Variants in LAMA4 observed in about 807,000 individuals in gnomAD.
LAMA4 encodes laminin subunit alpha-4.
Under a neutral mutation model 207.1 loss-of-function variants are expected in LAMA4, and 127 were observed. That is an observed-to-expected ratio of 0.61 (90% CI 0.53 to 0.71). The LOEUF (loss-of-function observed/expected upper bound fraction) is 0.71, where lower values mean the gene tolerates loss of function less well. Ranked by LOEUF, LAMA4 falls within the 30% of genes least tolerant of loss-of-function variation. The pLI is 0.00. For synonymous variants in LAMA4, 761 were observed against 816.0 expected (o/e 0.93, Z 1.15); for missense variants, 2,093 against 2,246.5 (o/e 0.93, Z 1.38).
intron 14 of LAMA4, among the ~76,000 whole-genome samples, chr6:112,156,557 G>A (rs547926310): frequency 2.7e-4 from 41 of 152,114 alleles, no homozygotes; most frequent in Non-Finnish European, 4.7e-4. Flanking sequence ...CTCCACTTCC[G>A]CAGTTCGTCT....
chr6:112,114,859 T>C lies in LAMA4; in HGVS notation c.5113-103A>G, dbSNP rs1777918802. On this transcript the variant is annotated intron_variant, in intron 36 of 38. Transcript: ENST00000230538. Reference sequence around the variant, plus strand: ...CAGTGAAGCAATACTTCAACAAATATTCACACATGATTAGCTTTGCAATTT... The same window carrying C: ...CAGTGAAGCAATACTTCAACAAATACTCACACATGATTAGCTTTGCAATTT... 4.9e-5 allele frequency: 41 copies of C among 839,230 alleles called. No homozygotes were observed. In the South Asian group the frequency reaches 5.6e-4, roughly 11 times the overall value. 52.0% of individuals were successfully genotyped at this position (839,230 alleles called of 1,614,324 possible).
At position 112,231,405 on chromosome 6, in the gene LAMA4, C is replaced by G. The variant is rs1554364403; in HGVS notation, c.196-14936G>C. On this transcript the variant is annotated intron_variant, in intron 2 of 38. Coordinates refer to ENST00000230538, the MANE Select transcript of LAMA4 (RefSeq NM_001105206.3). ...CTCAGAGACAGCCCATTAGGCCTCT[C>G]TTATTACTTGGTTTGACATATGGCA... Among the ~76,000 whole-genome samples the G allele has an allele frequency of 3.3e-5, 5 of 152,166 alleles. 1 individual carries two copies.
Position 112,172,788 on chromosome 6 carries a change from C to T in LAMA4, c.1374G>A (p.Glu458=), listed in dbSNP as rs397516717. The T allele has an allele frequency of 1.2e-6, 2 of 1,613,798 alleles. No homozygotes were observed. Among genetic ancestry groups the T allele is most frequent in the Non-Finnish European group, 1.7e-6 (2 of 1,179,774 alleles). Residue 458 remains glutamate, a synonymous_variant, in exon 12 of 39, where the codon GAG becomes GAA. Transcript: ENST00000230538. ...TCTCATTGTGCAGCCGCTGCCAGCT[C>T]TCAGCCTGGCTCAGTACTGGGAAGA... ...DEAYELLSQA[E]SWQRLHNETR... is the part of the protein sequence containing the mutation.
At chr6:112,130,258 C>G (rs1296230297) in intron 29 of LAMA4, 1 of 557,718 alleles carries the variant, frequency 1.8e-6, no homozygotes, top group Non-Finnish European at 3.2e-6. Context: ...AATTTAAACC[C>G]GTAAGGCAAG....
chr6:112,212,778 G>A (rs1554357191), intron 3 of LAMA4, among the ~76,000 whole-genome samples: 1 of 152,176 alleles, frequency 6.6e-6, no homozygotes, highest in Non-Finnish European at 1.5e-5. Context: ...AAGAAAAACA[G>A]GAACAAGAAG....
intron 31 of LAMA4, among the ~76,000 whole-genome samples, chr6:112,123,561 C>G (rs1778501667): frequency 6.6e-6 from 1 of 152,104 alleles, no homozygotes; most frequent in Non-Finnish European, 1.5e-5. Flanking sequence ...CAAAATCCCC[C>G]CCACAAAAAA....
chr6:112,178,311 C>T, intron 9 of LAMA4, 79 bp from the exon 10 acceptor site: 3 of 968,048 alleles, frequency 3.1e-6, no homozygotes, highest in Non-Finnish European at 4.9e-6. Flanking sequence ...GGTGGGTGGG[C>T]ATAATGTATT....
At chr6:112,150,698 G>A in intron 16 of LAMA4, 71 bp from the exon 17 acceptor site, 2 of 1,050,576 alleles carry the variant, frequency 1.9e-6, no homozygotes, top group South Asian at 2.5e-5. Flanking sequence ...TTTCAACAAG[G>A]AAACTTCTCA....
chr6:112,163,164 G>A (rs547884149), intron 13 of LAMA4, among the ~76,000 whole-genome samples: 4 of 87,748 alleles, frequency 4.6e-5, no homozygotes, highest in East Asian at 3.2e-4. Flanking sequence ...CTTTTTTGTA[G>A]AGAGGGGGTC....
At chr6:112,253,612 G>A (rs554006795) in intron 2 of LAMA4, 3 of 843,810 alleles carry the variant, frequency 3.6e-6, no homozygotes, top group Non-Finnish European at 5.9e-6. Flanking sequence ...GTTAAGTGCC[G>A]TGGCTTGACA....
intron 16 of LAMA4, among the ~76,000 whole-genome samples, chr6:112,154,080 A>G (rs1327406703): frequency 1.3e-5 from 2 of 152,214 alleles, no homozygotes; most frequent in Non-Finnish European, 2.9e-5. Context: ...ATGAATTTCC[A>G]ACCTCATTAG....
chr6:112,225,549 C>T (rs1293361435), intron 2 of LAMA4, among the ~76,000 whole-genome samples: 1 of 152,094 alleles, frequency 6.6e-6, no homozygotes, highest in Non-Finnish European at 1.5e-5. Context: ...TCGTTTATTT[C>T]GAATCTGAGG....
chr6:112,205,348 C>G (rs1203807662), intron 4 of LAMA4, among the ~76,000 whole-genome samples: 2 of 151,716 alleles, frequency 1.3e-5, no homozygotes, highest in African/African-American at 4.9e-5. Flanking sequence ...ATCCTTACTT[C>G]CTAGTTTGAT....
At chr6:112,247,197 C>G (rs1787014677) in intron 2 of LAMA4, among the ~76,000 whole-genome samples, 1 of 152,154 alleles carries the variant, frequency 6.6e-6, no homozygotes, top group Admixed American at 6.5e-5. Context: ...TTAAATTTCA[C>G]AAGAATTTTG....
chr6:112,129,170 A>ATG (rs782301781), intron 30 of LAMA4, 95 bp from the exon 31 acceptor site: 472 of 973,708 alleles, frequency 4.8e-4, no homozygotes, highest in Middle Eastern at 1.4e-3. Context: ...GGCAATTAAA[A>ATG]TGTGTGTGTG....
At chr6:112,214,084 A>T (rs1554357789) in intron 3 of LAMA4, 3 of 735,016 alleles carry the variant, frequency 4.1e-6, no homozygotes, top group Non-Finnish European at 7.5e-6. Flanking sequence ...GGATAGCGGC[A>T]CCAAAGGAAA....
intron 9 of LAMA4, chr6:112,178,493 G>C: frequency 2.3e-6 from 1 of 434,388 alleles, no homozygotes. Flanking sequence ...AAGTTCTTTA[G>C]TGGTGATTTG....
At chr6:112,173,992 G>A (rs1468696175) in intron 11 of LAMA4, among the ~76,000 whole-genome samples, 1 of 152,152 alleles carries the variant, frequency 6.6e-6, no homozygotes, top group Non-Finnish European at 1.5e-5. Flanking sequence ...AGATCTAAAG[G>A]TGGATCTAAT....
intron 17 of LAMA4, among the ~76,000 whole-genome samples, chr6:112,149,223 T>G (rs1554335232): frequency 6.6e-6 from 1 of 151,986 alleles, no homozygotes; most frequent in African/African-American, 2.4e-5. Flanking sequence ...AAATGCTAGT[T>G]TCAATCCTGA....
Sources: allele counts gnomAD v4.1 joint callset (sites outside exome capture counted in the v4.1 genomes callset), GRCh38; gene constraint gnomAD v4.1.1; transcripts MANE v1.5; gene names NCBI Gene and HGNC (gene_info 2026-07-23, HGNC 2026-07-21).